The following DMD variants were observed in gnomAD, a reference collection of about 807,000 sequenced individuals.
The protein encoded by DMD is dystrophin, also known as mutant dystrophin.
A neutral mutation model predicts 330.1 loss-of-function variants in DMD; 63 were observed. That is an observed-to-expected ratio of 0.19 (90% CI 0.16 to 0.24). The LOEUF (loss-of-function observed/expected upper bound fraction) is 0.24. DMD is among the 10% of genes least tolerant of loss of function. The pLI, the probability that DMD is intolerant of heterozygous loss-of-function variation, is 1.00. For synonymous variants in DMD, 1,223 were observed against 959.8 expected, an observed-to-expected ratio of 1.27 and a Z score of -5.07; for missense variants, 3,344 against 2,684.1, an observed-to-expected ratio of 1.25 and a Z score of -5.43.
At chrX:31,402,668 A>C (rs2061242595) in intron 60 of DMD, among the ~76,000 whole-genome samples, 1 of 112,043 alleles carries the variant, frequency 8.9e-6, no homozygotes, top group Admixed American at 9.5e-5. Context: ...ATTGAACAGA[A>C]GGGTGCTAAA....
At chrX:31,960,378 T>A (rs5972464) in intron 45 of DMD, among the ~76,000 whole-genome samples, 29,673 of 109,993 alleles carry the variant, frequency 0.27, 3,131 homozygotes, top group East Asian at 0.51. Context: ...GCAGTTTATA[T>A]GTAGAAAATG....
intron 1 of DMD, among the ~76,000 whole-genome samples, chrX:33,090,163 A>T (rs1327798184): frequency 9.1e-6 from 1 of 110,193 alleles, no homozygotes; most frequent in African/African-American, 3.3e-5. Context: ...AGATACATGG[A>T]ATTTGTTTGC....
chrX:32,421,878 C>A (rs1348665985), intron 29 of DMD, among the ~76,000 whole-genome samples: 1 of 111,670 alleles, frequency 9.0e-6, no homozygotes, highest in Non-Finnish European at 1.9e-5. Context: ...TGCTTAGCAT[C>A]TTCCCCACAG....
At chrX:32,567,524 T>C (rs766168587) in intron 15 of DMD, among the ~76,000 whole-genome samples, 1 of 111,147 alleles carries the variant, frequency 9.0e-6, no homozygotes, top group Non-Finnish European at 1.9e-5. Flanking sequence ...GCCTCACGAG[T>C]AGCTGGTATT....
At chrX:32,937,826 T>C (rs966408369) in intron 2 of DMD, among the ~76,000 whole-genome samples, 11 of 110,563 alleles carry the variant, frequency 9.9e-5, no homozygotes, top group African/African-American at 3.6e-4. Context: ...TAACCAATAT[T>C]ATATAGATTT....
chrX:31,408,707 CTTTTTTTTGT>C (rs2061509182), intron 60 of DMD, among the ~76,000 whole-genome samples: 1 of 83,852 alleles, frequency 1.2e-5, no homozygotes, highest in Non-Finnish European at 2.2e-5. Context: ...CCTCTTTGAA[CTTTTTTTTGT>C]TTTGTTTTGT....
At chrX:32,088,444 C>T (rs1569541532) in intron 44 of DMD, among the ~76,000 whole-genome samples, 2 of 107,235 alleles carry the variant, frequency 1.9e-5, no homozygotes, top group South Asian at 4.2e-4. Flanking sequence ...TTACCTCCAG[C>T]ATATATTCAG....
intron 1 of DMD, among the ~76,000 whole-genome samples, chrX:33,059,795 G>A (rs1398490447): frequency 8.9e-6 from 1 of 112,086 alleles, no homozygotes; most frequent in Non-Finnish European, 1.9e-5. Flanking sequence ...TTTTCACATA[G>A]TGGTTGGTGA....
chrX:32,907,306 T>G (rs1229973427), intron 2 of DMD, among the ~76,000 whole-genome samples: 2 of 112,280 alleles, frequency 1.8e-5, no homozygotes, highest in African/African-American at 6.5e-5. Context: ...CATACGAAAT[T>G]CATTGTTTGA....
intron 55 of DMD, among the ~76,000 whole-genome samples, chrX:31,607,755 T>C (rs1229031520): frequency 4.5e-5 from 5 of 112,342 alleles, no homozygotes; most frequent in Admixed American, 1.9e-4. Flanking sequence ...TATAAAAAGA[T>C]TGTCGTCAAG....
chrX:32,135,216 C>T (rs1002901047), intron 44 of DMD, among the ~76,000 whole-genome samples: 3 of 112,221 alleles, frequency 2.7e-5, no homozygotes, highest in African/African-American at 6.5e-5. Context: ...TAATAGTCCA[C>T]TAGCTCTATC....
intron 3 of DMD, among the ~76,000 whole-genome samples, chrX:32,845,727 C>A (rs1218000166): frequency 1.8e-5 from 2 of 112,100 alleles, no homozygotes; most frequent in Non-Finnish European, 3.8e-5. Context: ...AGCTACAAAG[C>A]TGACTGCCTG....
intron 2 of DMD, among the ~76,000 whole-genome samples, chrX:32,918,393 G>A (rs762038019): frequency 4.5e-5 from 5 of 111,026 alleles, no homozygotes; most frequent in African/African-American, 9.8e-5. Flanking sequence ...GCACTCTGTC[G>A]CCCAGATGGT....
chrX:32,923,585 A>C (rs2088667437), intron 2 of DMD, among the ~76,000 whole-genome samples: 1 of 110,811 alleles, frequency 9.0e-6, no homozygotes, highest in Admixed American at 9.6e-5. Context: ...AAAACAAAAA[A>C]TCAACTTTAT....
chrX:33,003,693 TATAA>T (rs1170023803), intron 2 of DMD, among the ~76,000 whole-genome samples: 2 of 105,546 alleles, frequency 1.9e-5, no homozygotes, highest in African/African-American at 3.3e-5. Context: ...AAATGTCTTA[TATAA>T]ATAGTCTCTG....
intron 3 of DMD, among the ~76,000 whole-genome samples, chrX:32,845,696 T>C (rs964696811): frequency 3.6e-5 from 4 of 111,904 alleles, no homozygotes; most frequent in African/African-American, 1.3e-4. Flanking sequence ...TGGGTGATTA[T>C]AGGTAACAGT....
chrX:31,479,123 GA>G lies in DMD; in HGVS notation c.8548-21del, dbSNP rs1384185083. On this transcript the variant is annotated intron_variant, in intron 57 of 78. Coordinates refer to ENST00000357033, the MANE Select transcript of DMD (RefSeq NM_004006.3). ...GAAGGCCTGTGAAATGAGATGAAAA[GA>G]AGTGCTTATTTGGCTTGTGGCATTC... The G allele has an allele frequency of 1.7e-6, 2 of 1,208,408 alleles. No homozygotes were observed. The highest frequency in any genetic ancestry group is 3.5e-5 in the African/African-American group (2 of 57,211).
At chrX:33,263,049 G>A (rs1322710759) in intron 1 of DMD, among the ~76,000 whole-genome samples, 1 of 110,227 alleles carries the variant, frequency 9.1e-6, no homozygotes, top group Non-Finnish European at 1.9e-5. Flanking sequence ...TTGAAAAATG[G>A]GGGATGCATA....
intron 11 of DMD, among the ~76,000 whole-genome samples, chrX:32,631,687 G>C (rs2058740358): frequency 9.0e-6 from 1 of 110,792 alleles, no homozygotes; most frequent in South Asian, 3.9e-4. Flanking sequence ...GGGAAGAGGT[G>C]AGTGGGAGGG....
Sources: allele counts gnomAD v4.1 joint callset (sites outside exome capture counted in the v4.1 genomes callset), GRCh38; gene constraint gnomAD v4.1.1; transcripts MANE v1.5; gene names NCBI Gene and HGNC (gene_info 2026-07-23, HGNC 2026-07-21).